The following ELP2 variants were observed in gnomAD, a reference collection of about 807,000 sequenced individuals.
The protein encoded by ELP2 is elongator acetyltransferase complex subunit 2, also known as elongator complex protein 2.
In ELP2, 90 loss-of-function variants were observed where a neutral mutation model predicts 119.2. The observed-to-expected ratio is 0.75, with a 90% confidence interval of 0.64 to 0.90. The LOEUF is 0.90. Among genes scored for constraint, ELP2 ranks in the 40% least tolerant of loss-of-function variants. The pLI, the probability that ELP2 is intolerant of heterozygous loss-of-function variation, is 0.00. For missense variants in ELP2, 921 were observed against 967.8 expected (o/e 0.95, Z 0.64); for synonymous variants, 339 against 331.0 (o/e 1.02, Z -0.26).
chr18:36,160,956 T>G lies in ELP2; in HGVS notation c.1713T>G (p.Phe571Leu). The G allele has an allele frequency of 6.2e-7, 1 of 1,613,504 alleles. No homozygotes were observed. The highest frequency in any genetic ancestry group is 1.3e-5 in the African/African-American group (1 of 75,030). Residue 571 changes from phenylalanine (F) to leucine (L), a missense_variant, in exon 17 of 22, where the codon TTT becomes TTG. By Grantham distance (22) the Phe-to-Leu change is conservative (BLOSUM62 0). Coordinates refer to ENST00000358232, the MANE Select transcript of ELP2 (RefSeq NM_018255.4). ...QKLYGHGYEI[F>L]CVTCNSSKTL... is the part of the protein sequence containing the mutation. ...GATATGGGCACGGTTATGAAATATT[T>G]TGTGTTACTTGTAACAGTTCAAAGA...
At position 36,174,607 on chromosome 18, in the gene ELP2, T is replaced by C. The variant is rs2091178587; in HGVS notation, c.2447T>C (p.Val816Ala). Reference sequence around the variant, plus strand: ...GCAAGCTGTGGTGAAGATCACACTGTGAAGATACACAGAGTCAATAAATGT... The same window carrying C: ...GCAAGCTGTGGTGAAGATCACACTGCGAAGATACACAGAGTCAATAAATGT... ...HFASCGEDHT[V>A]KIHRVNKCAL Residue 816 changes from valine to alanine, a missense_variant, in exon 22 of 22, where the codon GTG becomes GCG. Transcript: ENST00000358232. The C allele has an allele frequency of 6.2e-7, 1 of 1,614,204 alleles. No individual in the cohort carries two copies. Among genetic ancestry groups the C allele is most frequent in the Non-Finnish European group, 8.5e-7 (1 of 1,180,034 alleles).
At position 36,154,829 on chromosome 18, in the gene ELP2, AT is replaced by A. The variant is rs1386539926; in HGVS notation, c.1126-20del. 6.2e-7 allele frequency: 1 copy of A among 1,613,754 alleles called. No individual in the cohort carries two copies. Among genetic ancestry groups the A allele is most frequent in the Admixed American group, 1.7e-5 (1 of 60,016 alleles). On this transcript the variant is annotated intron_variant, in intron 11 of 21. Coordinates refer to ENST00000358232, the MANE Select transcript of ELP2 (RefSeq NM_018255.4). ...TAGTCTTTGAGTATTTTGATATGTG[AT>A]ATGAGCACTTCCATTGCAGAGAGAG... is the stretch of plus-strand genomic sequence containing the variant.
At chr18:36,148,882 A>T (rs1193097698) in intron 11 of ELP2, among the ~76,000 whole-genome samples, 1 of 152,216 alleles carries the variant, frequency 6.6e-6, no homozygotes, top group African/African-American at 2.4e-5. Context: ...TCTCAAAAAA[A>T]AAATGTGTAT....
rs1055687631 is a variant in ELP2, at chr18:36,141,054, G to A, written c.524-83G>A. ...AATTGAAGTCAGGATTCTTTACTTAGAGCTTACAATCCAGTACAGTTGATA... is the reference window on the plus strand; with the variant it reads ...AATTGAAGTCAGGATTCTTTACTTAAAGCTTACAATCCAGTACAGTTGATA... On this transcript the variant is annotated intron_variant, in intron 5 of 21. Transcript: ENST00000358232. 5 of 1,110,172 alleles carry A rather than the reference G, an allele frequency of 4.5e-6. No homozygotes were observed. The African/African-American group carries it at 6.1e-5, about 14-fold the overall frequency. 68.8% of individuals were successfully genotyped at this position (1,110,172 alleles called of 1,614,324 possible). A position where few individuals can be genotyped will look rare whatever the true frequency, so the allele number is the denominator to read the frequency against.
chr18:36,149,482 TGTTTTG>T lies in ELP2; in HGVS notation c.1125+3102_1125+3107del, dbSNP rs765257891. Among the ~76,000 whole-genome samples, 187 of 109,292 alleles carry T rather than the reference TGTTTTG, an allele frequency of 1.7e-3. 7 individuals carry two copies. In the South Asian group the frequency reaches 0.044, roughly 25 times the overall value. 71.7% of individuals were successfully genotyped at this position (109,292 alleles called of 152,430 possible). On this transcript the variant is annotated intron_variant, in intron 11 of 21. Coordinates refer to ENST00000358232, the MANE Select transcript of ELP2 (RefSeq NM_018255.4). ...AACATAGTTGCAGGGTTTTTTGTTT[TGTTTTG>T]TTTTTTTTTTTTTTGCTTAGAAATC...
intron 3 of ELP2, chr18:36,136,714 T>C (rs2089839325): frequency 3.6e-6 from 1 of 279,222 alleles, no homozygotes; most frequent in African/African-American, 2.2e-5. Flanking sequence ...TGCTGTATCT[T>C]TTATACTACA....
At chr18:36,144,433 T>TTAA (rs2090134649) in intron 8 of ELP2, among the ~76,000 whole-genome samples, 1 of 152,146 alleles carries the variant, frequency 6.6e-6, no homozygotes, top group Non-Finnish European at 1.5e-5. Flanking sequence ...GAAACTTAAA[T>TTAA]TAATAGCAGA....
Position 36,166,329 on chromosome 18 carries a change from T to G in ELP2, c.1955-772T>G, listed in dbSNP as rs8099377. ...TTTTTGTTTTTTAGGGTTTTTTTTT[T>G]TTTTTTTTTTTTTTTTTTCAGACGG... On this transcript the variant is annotated intron_variant, in intron 18 of 21. Coordinates refer to ENST00000358232, the MANE Select transcript of ELP2 (RefSeq NM_018255.4). Among the ~76,000 whole-genome samples the G allele has an allele frequency of 2.6e-3, 140 of 54,276 alleles. 2 individuals carry two copies. Among genetic ancestry groups the G allele is most frequent in the Admixed American group, 3.9e-3 (19 of 4,892 alleles). 35.6% of individuals were successfully genotyped at this position (54,276 alleles called of 152,430 possible).
At chr18:36,145,523 A>C (rs368013182) in intron 9 of ELP2, among the ~76,000 whole-genome samples, 1 of 152,206 alleles carries the variant, frequency 6.6e-6, no homozygotes, top group African/African-American at 2.4e-5. Context: ...GCATAGCCTC[A>C]CATTCTTCCC....
chr18:36,158,077 TGTTA>T (rs1291931471), intron 13 of ELP2, among the ~76,000 whole-genome samples: 1 of 152,140 alleles, frequency 6.6e-6, no homozygotes, highest in Non-Finnish European at 1.5e-5. Flanking sequence ...TTCTTTTCCA[TGTTA>T]GTTTTTCTTT....
At chr18:36,164,401 G>A in intron 17 of ELP2, 74 bp from the exon 18 acceptor site, 1 of 1,359,022 alleles carries the variant, frequency 7.4e-7, no homozygotes, top group East Asian at 2.3e-5. Context: ...TAGAAACAAT[G>A]TGTTGTTTTT....
intron 18 of ELP2, chr18:36,165,160 C>G (rs1302967938): frequency 1.3e-5 from 2 of 158,066 alleles, no homozygotes; most frequent in Non-Finnish European, 2.8e-5. Flanking sequence ...TTTTCCTACC[C>G]TCTCCAGTCA....
intron 21 of ELP2, 27 bp from the exon 22 acceptor site, chr18:36,174,458 T>G: frequency 6.2e-7 from 1 of 1,608,940 alleles, no homozygotes; most frequent in Non-Finnish European, 8.5e-7. Context: ...GGAAAAACAT[T>G]TCATGATTTC....
chr18:36,159,829 T>C lies in ELP2; in HGVS notation c.1629T>C (p.Thr543=), dbSNP rs1333225680. ...QQVAFQPSIL[T]EPPTEDHLLQ... ...TGGCCTTTCAGCCCTCCATACTTAC[T>C]GGTAAGATGTGACAAAGACAATTTA... Residue 543 remains threonine (T), a splice_region_variant and synonymous_variant, in exon 15 of 22, where the codon ACT becomes ACC. Coordinates refer to ENST00000358232, the MANE Select transcript of ELP2 (RefSeq NM_018255.4). 1 of 1,613,150 alleles carries C rather than the reference T, an allele frequency of 6.2e-7. No individual in the cohort carries two copies. The highest frequency in any genetic ancestry group is 8.5e-7 in the Non-Finnish European group (1 of 1,179,284).
chr18:36,174,764 T>C lies in ELP2; in HGVS notation c.*123T>C, dbSNP rs2091184813. 1.0e-6 allele frequency: 1 copy of C among 954,498 alleles called. No homozygotes were observed. The highest frequency in any genetic ancestry group is 1.6e-5 in the African/African-American group (1 of 60,618). The allele number at this position is 954,498 out of a possible 1,614,324, so 59.1% of individuals were successfully genotyped here. ...TTTTTTTTTTTTTTGAGATGGAGTC[T>C]TGCTTTGTCACAACCTCCACCTCCC... On this transcript the variant is annotated 3_prime_UTR_variant, in exon 22 of 22. Coordinates refer to ENST00000358232, the MANE Select transcript of ELP2 (RefSeq NM_018255.4).
intron 1 of ELP2, among the ~76,000 whole-genome samples, chr18:36,131,775 C>T (rs577122408): frequency 6.6e-6 from 1 of 152,266 alleles, no homozygotes; most frequent in African/African-American, 2.4e-5. Context: ...GCTGTAGAAT[C>T]CCATCTTTTT....
At chr18:36,174,237 T>C (rs1275882350) in intron 21 of ELP2, among the ~76,000 whole-genome samples, 1 of 152,190 alleles carries the variant, frequency 6.6e-6, no homozygotes, top group African/African-American at 2.4e-5. Context: ...TTAAACAACA[T>C]TTGACAGAGA....
chr18:36,158,355 G>T (rs2090632154), intron 13 of ELP2: 1 of 153,512 alleles, frequency 6.5e-6, no homozygotes, highest in Admixed American at 6.4e-5. Context: ...AAAATACTCA[G>T]TTAGTTAGGT....
rs984174377 is a variant in ELP2 at position 36,180,171 on chromosome 18, C to T, written c.*5530C>T. ...CCTTCCAGGATGGCTGCTTGGCCTC[C>T]TGCCATGGTCTTTGCGTTCCAGCCA... On this transcript the variant is annotated 3_prime_UTR_variant, in exon 22 of 22. Coordinates refer to ENST00000358232, the MANE Select transcript of ELP2 (RefSeq NM_018255.4). The T allele has an allele frequency of 6.6e-6, 1 of 152,226 alleles. No homozygotes were observed. The highest frequency in any genetic ancestry group is 1.5e-5 in the Non-Finnish European group (1 of 68,050). The allele number at this position is 152,226 out of a possible 1,614,324, so 9.4% of individuals were successfully genotyped here. A position where few individuals can be genotyped will look rare whatever the true frequency, so the allele number is the denominator to read the frequency against.
Sources: allele counts gnomAD v4.1 joint callset (sites outside exome capture counted in the v4.1 genomes callset), GRCh38; gene constraint gnomAD v4.1.1; transcripts MANE v1.5; gene names NCBI Gene and HGNC (gene_info 2026-07-23, HGNC 2026-07-21).